The following PKNOX2 variants were observed in gnomAD, a reference collection of about 807,000 sequenced individuals.
The protein encoded by PKNOX2 is PBX/knotted 1 homeobox 2.
In PKNOX2, 14 loss-of-function variants were observed where a neutral mutation model predicts 53.1. That is an observed-to-expected ratio of 0.26 (90% CI 0.17 to 0.41). The LOEUF (loss-of-function observed/expected upper bound fraction) is 0.41. Among genes scored for constraint, PKNOX2 ranks in the 10% least tolerant of loss-of-function variants. The pLI is 1.00. For synonymous variants in PKNOX2, 257 were observed against 242.8 expected (o/e 1.06, Z -0.54); for missense variants, 496 against 602.8 (o/e 0.82, Z 1.85).
intron 2 of PKNOX2, among the ~76,000 whole-genome samples, chr11:125,255,748 A>G (rs941308268): frequency 6.6e-6 from 1 of 151,972 alleles, no homozygotes; most frequent in African/African-American, 2.4e-5. Context: ...GGCTTTGTTC[A>G]CTTCTGGAAG....
At chr11:125,400,309 G>A (rs890173476) in intron 7 of PKNOX2, among the ~76,000 whole-genome samples, 2 of 152,138 alleles carry the variant, frequency 1.3e-5, no homozygotes, top group African/African-American at 2.4e-5. Context: ...GGGTAAATAC[G>A]GTGATTACAC....
chr11:125,211,554 G>T (rs1939852663), intron 1 of PKNOX2, among the ~76,000 whole-genome samples: 1 of 152,078 alleles, frequency 6.6e-6, no homozygotes, highest in Admixed American at 6.5e-5. Flanking sequence ...GAGCGACTGG[G>T]GCCTGGGCAT....
At chr11:125,410,956 T>C (rs1955473145) in intron 9 of PKNOX2, 80 bp downstream of exon 9, 1 of 1,165,822 alleles carries the variant, frequency 8.6e-7, no homozygotes, top group Non-Finnish European at 1.3e-6. Context: ...CCAGGCACTT[T>C]ACACGGGTGA....
intron 4 of PKNOX2, among the ~76,000 whole-genome samples, chr11:125,357,799 T>C (rs1011499382): frequency 6.6e-6 from 1 of 152,136 alleles, no homozygotes; most frequent in Non-Finnish European, 1.5e-5. Flanking sequence ...AATCAGGACT[T>C]GTAATAAGAA....
At chr11:125,270,187 T>A (rs1945682521) in intron 2 of PKNOX2, among the ~76,000 whole-genome samples, 1 of 152,182 alleles carries the variant, frequency 6.6e-6, no homozygotes, top group African/African-American at 2.4e-5. Context: ...TTCCTGTGAG[T>A]TTAGCACAAC....
At chr11:125,429,904 C>T (rs936016882) in intron 11 of PKNOX2, 59 bp from the exon 12 acceptor site, 7 of 1,525,106 alleles carry the variant, frequency 4.6e-6, no homozygotes, top group Non-Finnish European at 6.2e-6. Context: ...CCCTCCCTGC[C>T]CCCACCCCAA....
At chr11:125,255,241 A>G (rs948130194) in intron 2 of PKNOX2, among the ~76,000 whole-genome samples, 1 of 152,184 alleles carries the variant, frequency 6.6e-6, no homozygotes, top group African/African-American at 2.4e-5. Context: ...CTGTGCCTGG[A>G]ACCACCCAGT....
chr11:125,400,058 C>A (rs1954644091), intron 7 of PKNOX2, among the ~76,000 whole-genome samples: 2 of 152,200 alleles, frequency 1.3e-5, no homozygotes, highest in Admixed American at 1.3e-4. Flanking sequence ...ATTCCTATCA[C>A]TGGAAGCATC....
intron 2 of PKNOX2, among the ~76,000 whole-genome samples, chr11:125,323,633 C>T (rs893459401): frequency 1.3e-5 from 2 of 152,196 alleles, no homozygotes; most frequent in African/African-American, 2.4e-5. Context: ...GCTTCCTCTG[C>T]GTTCCTTAAT....
chr11:125,276,940 GC>G (rs1415700152), intron 2 of PKNOX2, among the ~76,000 whole-genome samples: 2 of 152,208 alleles, frequency 1.3e-5, no homozygotes, highest in African/African-American at 4.8e-5. Flanking sequence ...GCTGCAAGAA[GC>G]CCAGGTGGTC....
intron 2 of PKNOX2, among the ~76,000 whole-genome samples, chr11:125,244,928 G>A (rs933216046): frequency 6.6e-6 from 1 of 152,116 alleles, no homozygotes; most frequent in Non-Finnish European, 1.5e-5. Flanking sequence ...GTGGTGTCTG[G>A]GCTTGAGACT....
At chr11:125,184,807 T>A (rs969210445) in intron 1 of PKNOX2, among the ~76,000 whole-genome samples, 1 of 152,110 alleles carries the variant, frequency 6.6e-6, no homozygotes, top group African/African-American at 2.4e-5. Context: ...AAATCCTTAG[T>A]GGTAATAGGA....
intron 2 of PKNOX2, among the ~76,000 whole-genome samples, chr11:125,241,164 C>T (rs1445729015): frequency 6.6e-6 from 1 of 152,170 alleles, no homozygotes; most frequent in Non-Finnish European, 1.5e-5. Flanking sequence ...AACTTCATCT[C>T]TCACCCTGCA....
chr11:125,409,992 T>C, intron 7 of PKNOX2: 1 of 626,926 alleles, frequency 1.6e-6, no homozygotes, highest in Non-Finnish European at 2.6e-6. Flanking sequence ...GGTGACTCTT[T>C]TTGTTTTTGT....
chr11:125,347,345 G>A (rs570244369), intron 3 of PKNOX2, among the ~76,000 whole-genome samples: 18 of 152,292 alleles, frequency 1.2e-4, no homozygotes, highest in South Asian at 4.1e-4. Context: ...CCCCAACCCC[G>A]GCACACTGGC....
intron 2 of PKNOX2, among the ~76,000 whole-genome samples, chr11:125,304,471 G>A (rs1044696868): frequency 6.6e-5 from 10 of 152,244 alleles, no homozygotes; most frequent in African/African-American, 2.2e-4. Context: ...CAGCCTGAGA[G>A]GCACGGGAAG....
At chr11:125,410,474 A>G in intron 8 of PKNOX2, 149 bp downstream of exon 8, 1 of 1,166,032 alleles carries the variant, frequency 8.6e-7, no homozygotes, top group Non-Finnish European at 1.2e-6. Flanking sequence ...GTAAGTTTAT[A>G]GACGGTTAGC....
At chr11:125,329,145 G>A (rs752525709) in intron 2 of PKNOX2, among the ~76,000 whole-genome samples, 15 of 152,132 alleles carry the variant, frequency 9.9e-5, no homozygotes, top group Non-Finnish European at 2.1e-4. Flanking sequence ...ACCCATAAAT[G>A]GAATGCCATA....
intron 2 of PKNOX2, among the ~76,000 whole-genome samples, chr11:125,278,346 C>T (rs934568638): frequency 2.0e-5 from 3 of 152,176 alleles, no homozygotes; most frequent in Admixed American, 6.5e-5. Flanking sequence ...AACAGGTCCT[C>T]GTAGGGAAGT....
Sources: gnomAD v4.1 joint callset for allele counts (sites outside exome capture counted in the v4.1 genomes callset) on GRCh38, gnomAD v4.1.1 for gene constraint, MANE v1.5 for transcripts, NCBI Gene and HGNC (gene_info 2026-07-23, HGNC 2026-07-21) for gene names.